The following CACNA2D1 variants were observed in gnomAD, a reference collection of about 807,000 sequenced individuals.
The protein encoded by CACNA2D1 is voltage-dependent calcium channel subunit alpha-2/delta-1.
A neutral mutation model predicts 171.5 loss-of-function variants in CACNA2D1; 53 were observed. The observed-to-expected ratio is 0.31, with a 90% CI of 0.25 to 0.39. CACNA2D1 has a LOEUF of 0.39. Among genes scored for constraint, CACNA2D1 ranks in the 10% least tolerant of loss-of-function variants. The pLI, the probability that CACNA2D1 is intolerant of heterozygous loss-of-function variation, is 1.00. For synonymous variants in CACNA2D1, 442 were observed against 443.1 expected (o/e 1.00, Z 0.03); for missense variants, 903 against 1,299.8 (o/e 0.69, Z 4.69).
At position 82,092,563 on chromosome 7, in the gene CACNA2D1, T is replaced by C. The variant is rs1429546896; in HGVS notation, c.527-7663A>G. Among the ~76,000 whole-genome samples the C allele has an allele frequency of 3.9e-5, 5 of 129,650 alleles. No individual in the cohort carries two copies. In the East Asian group the frequency reaches 1.1e-3, roughly 27 times the overall value. 85.1% of individuals were successfully genotyped at this position (129,650 alleles called of 152,430 possible). On this transcript the variant is annotated intron_variant, in intron 6 of 38. Coordinates refer to ENST00000356860, the MANE Select transcript of CACNA2D1 (RefSeq NM_000722.4). ...AACTTTTTTTTTTTTTTTTTTTTTT[T>C]TTGTATTTTTAGTAGAGACAGGGTT...
In CACNA2D1 at chr7:82,092,106, A is replaced by C. The variant is rs146204146; in HGVS notation, c.527-7206T>G. ...GCATACTGTTTTAGTCCAGTCAGTAATTTCCTCTTCCTTGAACAAAAACAC... is the reference window on the plus strand; with the variant it reads ...GCATACTGTTTTAGTCCAGTCAGTACTTTCCTCTTCCTTGAACAAAAACAC... On this transcript the variant is annotated intron_variant, in intron 6 of 38. Transcript: ENST00000356860. 1.3e-3 allele frequency among the ~76,000 whole-genome samples: 193 copies of C among 152,294 alleles called. 6 individuals carry two copies. The East Asian group carries it at 0.03, about 24-fold the overall frequency.
upstream of CACNA2D1, chr7:82,443,811 C>G (rs1367949207): frequency 6.0e-6 from 5 of 834,060 alleles, no homozygotes; most frequent in East Asian, 3.5e-5. Flanking sequence ...TTTATTCCCC[C>G]GATTGCCGAG....
intron 38 of CACNA2D1, among the ~76,000 whole-genome samples, chr7:81,951,976 T>TTTTTTTGTTTTGTTTTTTG (rs1356768518): frequency 4.1e-5 from 6 of 148,004 alleles, no homozygotes; most frequent in African/African-American, 1.5e-4. Context: ...AGTGTTTTTT[T>TTTTTTTGTTTTGTTTTTTG]TTTTTTTTTT....
intron 24 of CACNA2D1, among the ~76,000 whole-genome samples, chr7:81,982,361 T>G (rs780704152): frequency 2.0e-5 from 3 of 152,270 alleles, no homozygotes; most frequent in Non-Finnish European, 4.4e-5. Context: ...TCTTTTGACC[T>G]TGTGATCCAC....
intron 10 of CACNA2D1, chr7:82,050,487 G>A (rs2131304110): frequency 1.5e-6 from 1 of 676,186 alleles, no homozygotes; most frequent in Admixed American, 2.2e-5. Context: ...TTTCCAGCCA[G>A]GAGTCCCAAG....
chr7:82,408,228 C>T (rs888447753), intron 1 of CACNA2D1, among the ~76,000 whole-genome samples: 2 of 151,654 alleles, frequency 1.3e-5, no homozygotes, highest in African/African-American at 4.8e-5. Context: ...TCACCATATT[C>T]GCCAGGTTGG....
At chr7:82,176,860 A>G (rs923501166) in intron 3 of CACNA2D1, among the ~76,000 whole-genome samples, 4 of 152,042 alleles carry the variant, frequency 2.6e-5, no homozygotes, top group Non-Finnish European at 5.9e-5. Flanking sequence ...ATACACTCAC[A>G]CATAATATCA....
chr7:82,313,145 T>G (rs1217288777), intron 3 of CACNA2D1, among the ~76,000 whole-genome samples: 1 of 152,170 alleles, frequency 6.6e-6, no homozygotes, highest in East Asian at 1.9e-4. Context: ...CCAATCTACC[T>G]ATTTTTTCTT....
intron 6 of CACNA2D1, among the ~76,000 whole-genome samples, chr7:82,114,867 T>A (rs538406245): frequency 6.6e-6 from 1 of 152,274 alleles, no homozygotes; most frequent in South Asian, 2.1e-4. Flanking sequence ...TGGCTTTAAC[T>A]TCTTTTACAC....
chr7:82,169,744 A>G (rs1416746534), intron 4 of CACNA2D1, among the ~76,000 whole-genome samples: 1 of 152,022 alleles, frequency 6.6e-6, no homozygotes, highest in Admixed American at 6.6e-5. Flanking sequence ...TACATCCCCA[A>G]AATGAGTTGT....
At chr7:82,097,467 A>G (rs140513916) in intron 6 of CACNA2D1, among the ~76,000 whole-genome samples, 2,740 of 152,262 alleles carry the variant, frequency 0.018, 32 homozygotes, top group Middle Eastern at 0.048. Context: ...AAAGATGTTG[A>G]GAAAAAATCT....
At chr7:82,417,303 A>G (rs1402531979) in intron 1 of CACNA2D1, among the ~76,000 whole-genome samples, 1 of 152,152 alleles carries the variant, frequency 6.6e-6, no homozygotes, top group Admixed American at 6.5e-5. Context: ...GGATTCACAG[A>G]TCTCCAGGAA....
At chr7:82,258,817 CTTTTTT>C (rs201927487) in intron 3 of CACNA2D1, among the ~76,000 whole-genome samples, 1 of 72,618 alleles carries the variant, frequency 1.4e-5, no homozygotes, top group Non-Finnish European at 2.6e-5. Context: ...TCTTACTTTT[CTTTTTT>C]TTTTTTTTTT....
chr7:82,144,801 T>C (rs1404232850), intron 4 of CACNA2D1, among the ~76,000 whole-genome samples: 2 of 152,026 alleles, frequency 1.3e-5, no homozygotes, highest in Non-Finnish European at 2.9e-5. Context: ...AGTTGCATAA[T>C]AAAAAATCAA....
chr7:82,057,165 A>C (rs1806008482), intron 10 of CACNA2D1, among the ~76,000 whole-genome samples: 1 of 152,164 alleles, frequency 6.6e-6, no homozygotes, highest in Non-Finnish European at 1.5e-5. Context: ...TTTTCACGAA[A>C]CTTAAAAGCC....
intron 3 of CACNA2D1, among the ~76,000 whole-genome samples, chr7:82,256,355 A>G (rs1423652698): frequency 6.6e-6 from 1 of 152,160 alleles, no homozygotes; most frequent in Non-Finnish European, 1.5e-5. Context: ...CTTCTCTCCA[A>G]GTTCTTGTGG....
chr7:82,218,555 C>A (rs1364008006), intron 3 of CACNA2D1, among the ~76,000 whole-genome samples: 1 of 151,880 alleles, frequency 6.6e-6, no homozygotes, highest in Non-Finnish European at 1.5e-5. Context: ...AACTTGTCTA[C>A]ACCACATATT....
At chr7:82,164,459 T>G (rs1342076784) in intron 4 of CACNA2D1, among the ~76,000 whole-genome samples, 1 of 151,840 alleles carries the variant, frequency 6.6e-6, no homozygotes, top group African/African-American at 2.4e-5. Flanking sequence ...TGATCAAAAA[T>G]ATGAAGAAAT....
At chr7:81,999,199 A>G (rs956072260) in intron 18 of CACNA2D1, among the ~76,000 whole-genome samples, 1 of 152,204 alleles carries the variant, frequency 6.6e-6, no homozygotes, top group Admixed American at 6.5e-5. Flanking sequence ...CACAGAGAAG[A>G]AAATGAAATC....
Sources: gnomAD v4.1 joint callset for allele counts (sites outside exome capture counted in the v4.1 genomes callset) on GRCh38, gnomAD v4.1.1 for gene constraint, MANE v1.5 for transcripts, NCBI Gene and HGNC (gene_info 2026-07-23, HGNC 2026-07-21) for gene names.